Variants in GON4L observed in about 807,000 individuals in gnomAD.
GON4L encodes the protein gon-4 like.
GON4L carries 87 observed loss-of-function variants against 211.8 expected under a neutral mutation model. The ratio of observed to expected loss-of-function variants is 0.41; its 90% CI spans 0.35 to 0.49. The LOEUF (loss-of-function observed/expected upper bound fraction) is 0.49, where lower values mean the gene tolerates loss of function less well. GON4L is among the 20% of genes least tolerant of loss of function. The pLI is 0.15. For missense variants in GON4L, 2,155 were observed against 2,659.5 expected (o/e 0.81, Z 4.17); for synonymous variants, 875 against 962.6 (o/e 0.91, Z 1.68).
At chr1:155,811,791 G>A (rs1027037657) in intron 10 of GON4L, among the ~76,000 whole-genome samples, 6 of 140,740 alleles carry the variant, frequency 4.3e-5, no homozygotes, top group African/African-American at 1.4e-4. Context: ...AAGGCTGGGC[G>A]CGGTGGCTGA....
At chr1:155,783,447 C>T (rs1349597149) in intron 14 of GON4L, among the ~76,000 whole-genome samples, 1 of 152,182 alleles carries the variant, frequency 6.6e-6, no homozygotes, top group Non-Finnish European at 1.5e-5. Context: ...AGTGCAGATG[C>T]AAATCCACCA....
chr1:155,856,596 C>A (rs962118341), intron 1 of GON4L, among the ~76,000 whole-genome samples: 2 of 150,962 alleles, frequency 1.3e-5, no homozygotes, highest in Non-Finnish European at 2.9e-5. Flanking sequence ...TTCTCCATCC[C>A]CTCAATCAAC....
At chr1:155,794,655 T>C in intron 12 of GON4L, among the ~76,000 whole-genome samples, 1 of 152,316 alleles carries the variant, frequency 6.6e-6, no homozygotes, top group East Asian at 1.9e-4. Flanking sequence ...TCCTAGTCCA[T>C]ATCATACACT....
At chr1:155,849,611 T>A (rs2102478493) in intron 2 of GON4L, among the ~76,000 whole-genome samples, 1 of 138,604 alleles carries the variant, frequency 7.2e-6, no homozygotes, top group African/African-American at 2.7e-5. Flanking sequence ...CCGTCTCTAC[T>A]AAAAATACAA....
chr1:155,855,224 G>C (rs1432464012), intron 1 of GON4L, among the ~76,000 whole-genome samples: 1 of 152,078 alleles, frequency 6.6e-6, no homozygotes, highest in African/African-American at 2.4e-5. Context: ...GTATCTGTTT[G>C]TAAACCTCTT....
chr1:155,831,124 C>T (rs1023319188), intron 2 of GON4L, among the ~76,000 whole-genome samples: 6 of 151,936 alleles, frequency 3.9e-5, no homozygotes, highest in African/African-American at 9.7e-5. Flanking sequence ...TGTGGTGAAA[C>T]GCTATCTCGA....
chr1:155,793,855 C>G (rs1232531498), intron 12 of GON4L, among the ~76,000 whole-genome samples: 1 of 152,306 alleles, frequency 6.6e-6, no homozygotes, highest in South Asian at 2.1e-4. Flanking sequence ...AGCAATCTTC[C>G]TGCCCCAGCC....
At chr1:155,818,458 C>CA (rs1668452278) in intron 6 of GON4L, among the ~76,000 whole-genome samples, 1 of 152,204 alleles carries the variant, frequency 6.6e-6, no homozygotes, top group Non-Finnish European at 1.5e-5. Flanking sequence ...AGAACTTCCT[C>CA]ACTGATGGCT....
rs527578006 is a variant in GON4L, at chr1:155,853,594, A to C, written c.187T>G (p.Ser63Ala). 2 of 1,614,158 alleles carry C rather than the reference A, an allele frequency of 1.2e-6. No homozygotes were observed. The highest frequency in any genetic ancestry group is 2.7e-5 in the African/African-American group (2 of 75,056). ...HGRVAGFEVQ[S>A]LQDAGNQLGM... ...AGCTGATTTCCTGCATCCTGCAAAG[A>C]CTGTACTTCGAAGCCAGCTACTCTG... The change falls in exon 2 of 32, where the codon TCT becomes GCT. Residue 63 changes from serine to alanine, a missense_variant. This residue lies in a region of GON4L where 313 missense variants were observed against 293.2 expected (regional missense o/e 1.07). Transcript: ENST00000368331.
intron 5 of GON4L, among the ~76,000 whole-genome samples, chr1:155,821,054 CAGG>C (rs1668688060): frequency 6.6e-6 from 1 of 152,036 alleles, no homozygotes; most frequent in Non-Finnish European, 1.5e-5. Context: ...ATCACAAGGT[CAGG>C]AGATCGAGAC....
chr1:155,792,570 T>C (rs1665702818), intron 12 of GON4L, among the ~76,000 whole-genome samples: 1 of 152,172 alleles, frequency 6.6e-6, no homozygotes, highest in Admixed American at 6.5e-5. Context: ...GGTACGGGAA[T>C]GCAAAGCAAG....
intron 1 of GON4L, among the ~76,000 whole-genome samples, chr1:155,854,036 C>T (rs535626002): frequency 6.6e-6 from 1 of 152,304 alleles, no homozygotes; most frequent in Non-Finnish European, 1.5e-5. Context: ...GTGATTTAAC[C>T]TCGCAAGTCT....
chr1:155,780,194 T>C (rs1292183983), intron 14 of GON4L, among the ~76,000 whole-genome samples: 1 of 152,228 alleles, frequency 6.6e-6, no homozygotes, highest in Admixed American at 6.5e-5. Context: ...AGGTAAACTA[T>C]CATTACTTTA....
intron 6 of GON4L, among the ~76,000 whole-genome samples, chr1:155,819,378 A>T (rs911700796): frequency 6.6e-6 from 1 of 152,220 alleles, no homozygotes; most frequent in Non-Finnish European, 1.5e-5. Flanking sequence ...GTTTTCTTCA[A>T]CTGTAGGAAA....
intron 1 of GON4L, among the ~76,000 whole-genome samples, chr1:155,854,391 G>C (rs1033622608): frequency 6.6e-6 from 1 of 152,110 alleles, no homozygotes; most frequent in African/African-American, 2.4e-5. Context: ...TCCTGACCTT[G>C]AGATCCACCC....
chr1:155,824,381 C>T (rs2102278774), intron 3 of GON4L, among the ~76,000 whole-genome samples: 1 of 144,784 alleles, frequency 6.9e-6, no homozygotes, highest in African/African-American at 2.6e-5. Flanking sequence ...TTGCAGTGAG[C>T]CGAGATTGCA....
At chr1:155,820,327 T>C (rs563375504) in intron 6 of GON4L, among the ~76,000 whole-genome samples, 1 of 152,272 alleles carries the variant, frequency 6.6e-6, no homozygotes, top group East Asian at 1.9e-4. Context: ...CAACATGTGT[T>C]GTAACATAAA....
At chr1:155,813,577 G>A (rs1667976164) in intron 10 of GON4L, 57 bp downstream of exon 10, 1 of 1,284,786 alleles carries the variant, frequency 7.8e-7, no homozygotes, top group Non-Finnish European at 1.1e-6. Context: ...CCCAGCCTGA[G>A]CAACAACTAC....
chr1:155,783,994 T>C lies in GON4L; in HGVS notation c.1884A>G (p.Gln628=), dbSNP rs934408441. 6.2e-7 allele frequency: 1 copy of C among 1,613,784 alleles called. No homozygotes were observed. The highest frequency in any genetic ancestry group is 8.5e-7 in the Non-Finnish European group (1 of 1,179,672). ...GTCTTCAACTAGCCTACCGTAGAGC[T>C]TGAGGGGTGTTAAAGTTAGGACGAG... ...AEPRPNFNTP[Q]ALRFEEPLAN... Residue 628 remains glutamine, a synonymous_variant, in exon 14 of 32, where the codon CAA becomes CAG. Coordinates refer to ENST00000368331, the MANE Select transcript of GON4L (RefSeq NM_001282860.2).
Sources: allele counts gnomAD v4.1 joint callset (sites outside exome capture counted in the v4.1 genomes callset), GRCh38; gene constraint gnomAD v4.1.1; regional missense constraint gnomAD v4.1.1; transcripts MANE v1.5; gene names NCBI Gene and HGNC (gene_info 2026-07-23, HGNC 2026-07-21).